The following RAB30 variants were observed in gnomAD, a reference collection of about 807,000 sequenced individuals.
RAB30 encodes the protein RAB30, member RAS oncogene family.
Under a neutral mutation model 25.1 loss-of-function variants are expected in RAB30, and 9 were observed. The ratio of observed to expected loss-of-function variants is 0.36; its 90% CI spans 0.22 to 0.63. The LOEUF is 0.63. Among genes scored for constraint, RAB30 ranks in the 20% least tolerant of loss-of-function variants. The pLI is 0.69. For synonymous variants in RAB30, 77 were observed against 86.4 expected, an observed-to-expected ratio of 0.89 and a Z score of 0.60; for missense variants, 140 against 243.5, an observed-to-expected ratio of 0.58 and a Z score of 2.83.
At chr11:83,028,396 G>C (rs1291960411) in intron 1 of RAB30, among the ~76,000 whole-genome samples, 1 of 152,076 alleles carries the variant, frequency 6.6e-6, no homozygotes, top group Admixed American at 6.6e-5. Flanking sequence ...CCAGGAAAGA[G>C]CAGAAAAAAG....
intron 1 of RAB30, among the ~76,000 whole-genome samples, chr11:83,063,840 AG>A (rs1330372374): frequency 6.6e-6 from 1 of 152,206 alleles, no homozygotes; most frequent in Non-Finnish European, 1.5e-5. Flanking sequence ...AGGTACTCAA[AG>A]GCTCACTGTA....
chr11:83,046,193 T>C (rs1858229339), intron 1 of RAB30, among the ~76,000 whole-genome samples: 1 of 152,176 alleles, frequency 6.6e-6, no homozygotes, highest in Admixed American at 6.5e-5. Context: ...GCATCCTTAA[T>C]CCCAAACACC....
chr11:83,063,002 C>CAA (rs34529308), intron 1 of RAB30, among the ~76,000 whole-genome samples: 13,568 of 101,418 alleles, frequency 0.13, 1,141 homozygotes, highest in African/African-American at 0.24. Flanking sequence ...GACTCCGTCT[C>CAA]AAAAAAAAAA....
chr11:83,024,005 C>T (rs907688857), intron 1 of RAB30, among the ~76,000 whole-genome samples: 7 of 152,278 alleles, frequency 4.6e-5, no homozygotes, highest in African/African-American at 1.7e-4. Flanking sequence ...CCACTGCTCA[C>T]AATTATTTAC....
chr11:83,055,691 G>T (rs1858444708), intron 1 of RAB30, among the ~76,000 whole-genome samples: 1 of 152,252 alleles, frequency 6.6e-6, no homozygotes, highest in Non-Finnish European at 1.5e-5. Flanking sequence ...GGGAACTTTA[G>T]GAGGTAATTA....
At chr11:82,993,568 G>T (rs1856899984) in intron 3 of RAB30, among the ~76,000 whole-genome samples, 1 of 152,218 alleles carries the variant, frequency 6.6e-6, no homozygotes, top group Non-Finnish European at 1.5e-5. Context: ...GCAGGGGCTA[G>T]AGAGCATGTA....
chr11:83,035,981 G>A (rs1038069102), intron 1 of RAB30, among the ~76,000 whole-genome samples: 2 of 152,216 alleles, frequency 1.3e-5, no homozygotes, highest in African/African-American at 4.8e-5. Context: ...GACTGGTGGT[G>A]GACTGAATAC....
chr11:82,986,776 T>C (rs1014256714), intron 4 of RAB30, among the ~76,000 whole-genome samples: 1 of 152,216 alleles, frequency 6.6e-6, no homozygotes, highest in Non-Finnish European at 1.5e-5. Context: ...GTTCCTCGTA[T>C]CATTCCTGGC....
rs557542731 is a variant in RAB30 at position 83,047,554 on chromosome 11, C to T, written c.-9+24137G>A. ...AAATATTTATGTCAGGGCAACAAGC[C>T]AAGGAAAGTCTTGAGTATATGATCC... On this transcript the variant is annotated intron_variant, in intron 1 of 4. Transcript: ENST00000527633. Among the ~76,000 whole-genome samples, 29 of 152,158 alleles carry T rather than the reference C, an allele frequency of 1.9e-4. No homozygotes were observed. The South Asian group carries it at 4.4e-3, about 23-fold the overall frequency.
At chr11:83,033,877 GA>G (rs1040862914) in intron 1 of RAB30, among the ~76,000 whole-genome samples, 1 of 148,720 alleles carries the variant, frequency 6.7e-6, no homozygotes, top group South Asian at 2.1e-4. Context: ...CAGATCAAAT[GA>G]AAAAAAAACC....
rs1047600932 is a variant in RAB30 at position 82,975,839 on chromosome 11, TCTGA to T, written c.*6322_*6325del. ...TATCATTTTAATAATCATTATTTTT[TCTGA>T]CTGTTATTTTTTTTAAATAGGCAAA... On this transcript the variant is annotated 3_prime_UTR_variant, in exon 5 of 5. Coordinates refer to ENST00000527633, the MANE Select transcript of RAB30 (RefSeq NM_001286060.2). 43 of 152,192 alleles carry T rather than the reference TCTGA, an allele frequency of 2.8e-4. No individual in the cohort carries two copies. Among genetic ancestry groups the T allele is most frequent in the Non-Finnish European group, 8.8e-5 (6 of 68,018 alleles). The allele number at this position is 152,192 out of a possible 1,614,324, so 9.4% of individuals were successfully genotyped here.
rs1162361260 is a variant in RAB30 at position 82,975,926 on chromosome 11, TTTTCTTCCC to T, written c.*6230_*6238del. On this transcript the variant is annotated 3_prime_UTR_variant, in exon 5 of 5. Coordinates refer to ENST00000527633, the MANE Select transcript of RAB30 (RefSeq NM_001286060.2). ...AAAAAGAAGATAGGGATCAACCCAG[TTTTCTTCCC>T]ATGAAGAATAGGAACAAGAAGAAAG... 46 of 152,280 alleles carry T rather than the reference TTTTCTTCCC, an allele frequency of 3.0e-4. No individual in the cohort carries two copies. The highest frequency in any genetic ancestry group is 1.1e-3 in the African/African-American group (44 of 41,574). 9.4% of individuals were successfully genotyped at this position (152,280 alleles called of 1,614,324 possible).
At position 82,973,924 on chromosome 11, in the gene RAB30, A is replaced by T. The variant is rs1856498192; in HGVS notation, c.*8241T>A. The T allele has an allele frequency of 6.6e-6, 1 of 152,268 alleles. No individual in the cohort carries two copies. Among genetic ancestry groups the T allele is most frequent in the Admixed American group, 6.5e-5 (1 of 15,288 alleles). 9.4% of individuals were successfully genotyped at this position (152,268 alleles called of 1,614,324 possible). On this transcript the variant is annotated 3_prime_UTR_variant, in exon 5 of 5. Coordinates refer to ENST00000527633, the MANE Select transcript of RAB30 (RefSeq NM_001286060.2). The stretch of plus-strand genomic sequence containing the variant: ...ACATGCAATGGAATATTATTTAAAC[A>T]TGAAAACAATGTACTGATTTATGCT...
chr11:82,982,644 A>C (rs568316102), intron 4 of RAB30, among the ~76,000 whole-genome samples: 30 of 152,242 alleles, frequency 2.0e-4, no homozygotes, highest in Non-Finnish European at 3.2e-4. Context: ...CGGGTGGATC[A>C]CCAGGTCAGG....
At chr11:83,014,664 A>AAG (rs1200574867) in intron 1 of RAB30, among the ~76,000 whole-genome samples, 2 of 149,490 alleles carry the variant, frequency 1.3e-5, no homozygotes, top group African/African-American at 5.0e-5. Context: ...GAAAGAAAGA[A>AAG]AGAAAGAAAG....
intron 1 of RAB30, among the ~76,000 whole-genome samples, chr11:83,022,783 C>G (rs910522468): frequency 3.3e-5 from 5 of 151,978 alleles, no homozygotes; most frequent in Middle Eastern, 3.2e-3. Flanking sequence ...CTGGTCACAA[C>G]TGGGGAAATA....
At position 82,974,236 on chromosome 11, in the gene RAB30, C is replaced by T. The variant is rs186980417; in HGVS notation, c.*7929G>A. 6.6e-6 allele frequency: 1 copy of T among 152,224 alleles called. No homozygotes were observed. Among genetic ancestry groups the T allele is most frequent in the Non-Finnish European group, 1.5e-5 (1 of 68,000 alleles). 9.4% of individuals were successfully genotyped at this position (152,224 alleles called of 1,614,324 possible). A position where few individuals can be genotyped will look rare whatever the true frequency, so the allele number is the denominator to read the frequency against. ...GAAGTTTACACCTTAATAGGATAAA[C>T]CGTATGGTGCATGAATGATATCTTA... On this transcript the variant is annotated 3_prime_UTR_variant, in exon 5 of 5. Coordinates refer to ENST00000527633, the MANE Select transcript of RAB30 (RefSeq NM_001286060.2).
intron 3 of RAB30, 21 bp downstream of exon 3, chr11:82,994,018 A>C: frequency 6.5e-7 from 1 of 1,550,050 alleles, no homozygotes; most frequent in Non-Finnish European, 8.9e-7. Context: ...TGACAACCTT[A>C]GTGAATATTT....
intron 1 of RAB30, among the ~76,000 whole-genome samples, chr11:83,033,709 C>G (rs927485697): frequency 2.0e-5 from 3 of 152,126 alleles, no homozygotes; most frequent in African/African-American, 7.2e-5. Flanking sequence ...ACATTCAAAA[C>G]TGAATCCTCT....
Sources: gnomAD v4.1 joint callset for allele counts (sites outside exome capture counted in the v4.1 genomes callset) on GRCh38, gnomAD v4.1.1 for gene constraint, MANE v1.5 for transcripts, NCBI Gene and HGNC (gene_info 2026-07-23, HGNC 2026-07-21) for gene names.